Variants in UBXN4 observed in about 807,000 individuals in gnomAD.
UBXN4 encodes UBX domain protein 4, also known as UBX domain-containing protein 4.
Under a neutral mutation model 66.2 loss-of-function variants are expected in UBXN4, and 35 were observed. The ratio of observed to expected loss-of-function variants is 0.53; its 90% CI spans 0.40 to 0.70. UBXN4 has a LOEUF of 0.70. Ranked by LOEUF, UBXN4 falls within the 30% of genes least tolerant of loss-of-function variation. UBXN4 has a pLI of 0.00. For synonymous variants in UBXN4, 203 were observed against 204.5 expected (o/e 0.99, Z 0.06); for missense variants, 533 against 599.8 (o/e 0.89, Z 1.16).
intron 1 of UBXN4, chr2:135,747,514 A>G: frequency 2.4e-6 from 1 of 422,626 alleles, no homozygotes; most frequent in Non-Finnish European, 4.7e-6. Flanking sequence ...GGCAAGTCTA[A>G]AATTGCAAAC....
intron 6 of UBXN4, among the ~76,000 whole-genome samples, chr2:135,767,624 T>C (rs949272536): frequency 1.3e-5 from 2 of 152,208 alleles, no homozygotes; most frequent in African/African-American, 4.8e-5. Flanking sequence ...TAGTATTCTG[T>C]TTGACTCTAC....
At chr2:135,768,290 C>T (rs546461316) in intron 6 of UBXN4, among the ~76,000 whole-genome samples, 9 of 152,148 alleles carry the variant, frequency 5.9e-5, no homozygotes, top group African/African-American at 2.2e-4. Context: ...CCTCCGCCCC[C>T]CAGGTTCAAG....
Position 135,754,240 on chromosome 2 carries a change from C to T in UBXN4, c.296C>T (p.Ala99Val), listed in dbSNP as rs747839047. 14 of 1,613,910 alleles carry T rather than the reference C, an allele frequency of 8.7e-6. No individual in the cohort carries two copies. The Admixed American group carries it at 2.3e-4, about 27-fold the overall frequency. Residue 99 changes from alanine to valine, a missense_variant, in exon 4 of 13, where the codon GCA becomes GTA. Ala to Val is a moderately conservative substitution (Grantham distance 64, BLOSUM62 0). Transcript: ENST00000272638. ...PLEVIAGSVS[A>V]DELVTRIHKV... Reference sequence around the variant, plus strand: ...GAAGTAATAGCAGGAAGTGTTTCTGCAGATGAACTTGTTACAAGAATTCAC... The same window carrying T: ...GAAGTAATAGCAGGAAGTGTTTCTGTAGATGAACTTGTTACAAGAATTCAC...
At chr2:135,745,059 G>A (rs1308102924) in intron 1 of UBXN4, among the ~76,000 whole-genome samples, 1 of 152,178 alleles carries the variant, frequency 6.6e-6, no homozygotes, top group African/African-American at 2.4e-5. Context: ...AGCTACTTAC[G>A]TGATATCACT....
chr2:135,751,753 T>G (rs1021854451), intron 2 of UBXN4, among the ~76,000 whole-genome samples: 4 of 151,926 alleles, frequency 2.6e-5, no homozygotes, highest in Admixed American at 6.6e-5. Context: ...GGTAGGATTT[T>G]GGGTAATTTT....
rs764541762 is a variant in UBXN4, at chr2:135,770,746, A to G, written c.822+11A>G. The G allele has an allele frequency of 3.4e-6, 5 of 1,481,492 alleles. No homozygotes were observed. The highest frequency in any genetic ancestry group is 3.0e-5 in the South Asian group (2 of 66,690). The allele number at this position is 1,481,492 out of a possible 1,614,324, so 91.8% of individuals were successfully genotyped here. ...CAGCAGATTGCATTGGTAAGTCTTAAGTTTCCAGACATTCGTGAAACTGTT... is the reference window on the plus strand; with the variant it reads ...CAGCAGATTGCATTGGTAAGTCTTAGGTTTCCAGACATTCGTGAAACTGTT... On this transcript the variant is annotated intron_variant, in intron 8 of 12. Coordinates refer to ENST00000272638, the MANE Select transcript of UBXN4 (RefSeq NM_014607.4).
At chr2:135,749,447 T>C (rs1451519847) in intron 2 of UBXN4, among the ~76,000 whole-genome samples, 2 of 152,222 alleles carry the variant, frequency 1.3e-5, no homozygotes, top group African/African-American at 2.4e-5. Context: ...TTCAAACATA[T>C]ATGAAAGTAA....
intron 9 of UBXN4, among the ~76,000 whole-genome samples, 187 bp from the exon 10 acceptor site, chr2:135,776,062 C>T (rs1369734206): frequency 6.6e-6 from 1 of 152,232 alleles, no homozygotes. Flanking sequence ...AGCCACCACA[C>T]CCAGCCTAAA....
At chr2:135,757,296 T>G (rs2077284189) in intron 5 of UBXN4, among the ~76,000 whole-genome samples, 1 of 152,226 alleles carries the variant, frequency 6.6e-6, no homozygotes, top group African/African-American at 2.4e-5. Context: ...GAATTTTTTA[T>G]TTTAGATAAA....
chr2:135,756,398 G>A (rs530269864), intron 5 of UBXN4, among the ~76,000 whole-genome samples: 1 of 152,298 alleles, frequency 6.6e-6, no homozygotes, highest in East Asian at 1.9e-4. Context: ...CTGTTCTGTT[G>A]TTGAACAGCT....
chr2:135,743,890 G>C (rs946074646), intron 1 of UBXN4, among the ~76,000 whole-genome samples: 3 of 152,074 alleles, frequency 2.0e-5, no homozygotes, highest in African/African-American at 7.2e-5. Flanking sequence ...CTTCAATTAA[G>C]TTTTTACTGA....
chr2:135,778,958 A>G lies in UBXN4; in HGVS notation c.1064A>G (p.Asn355Ser). 1.2e-6 allele frequency: 2 copies of G among 1,612,306 alleles called. No individual in the cohort carries two copies. Among genetic ancestry groups the G allele is most frequent in the Non-Finnish European group, 1.7e-6 (2 of 1,179,382 alleles). The change falls in exon 11 of 13, where the codon AAC becomes AGC. Residue 355 changes from asparagine (N) to serine (S), a missense_variant. Around this residue, in one of 2 missense-constraint regions of UBXN4, gnomAD observed 529 missense variants for 580.1 expected, o/e 0.91. Transcript: ENST00000272638. ...AAACTTATTTTACAGACTGTTGGCA[A>G]CACTTACGGTAATTTTTCGTTAGCA... is the stretch of plus-strand genomic sequence containing the variant. ...ARQFAAQTVGNTYGNFSLATM... is the reference protein window; with the variant it reads ...ARQFAAQTVGSTYGNFSLATM...
intron 1 of UBXN4, among the ~76,000 whole-genome samples, chr2:135,742,326 C>T (rs563788392): frequency 2.6e-4 from 39 of 152,272 alleles, no homozygotes; most frequent in South Asian, 1.7e-3. Context: ...ATACAGTGGG[C>T]CTGGCCCCAC....
chr2:135,782,832 A>AT lies in UBXN4; in HGVS notation c.1473dup (p.Asp492Ter), dbSNP rs776820460. 1 of 1,614,052 alleles carries AT rather than the reference A, an allele frequency of 6.2e-7. No individual in the cohort carries two copies. The highest frequency in any genetic ancestry group is 8.5e-7 in the Non-Finnish European group (1 of 1,179,942). ...AAAATTTATAGATTAAGGACTCAAG[A>AT]TGATGGTGAAGATGAAAACAACACT... On this transcript the variant is annotated frameshift_variant, in exon 13 of 13. Coordinates refer to ENST00000272638, the MANE Select transcript of UBXN4 (RefSeq NM_014607.4). LOFTEE classifies it high-confidence loss of function.
intron 5 of UBXN4, among the ~76,000 whole-genome samples, chr2:135,758,801 C>T (rs2105498046): frequency 6.6e-6 from 1 of 152,016 alleles, no homozygotes; most frequent in Non-Finnish European, 1.5e-5. Flanking sequence ...CTTTGTTGGC[C>T]AGGCTGCAGT....
At chr2:135,764,380 A>G (rs1238121136) in intron 6 of UBXN4, among the ~76,000 whole-genome samples, 1 of 152,228 alleles carries the variant, frequency 6.6e-6, no homozygotes, top group African/African-American at 2.4e-5. Flanking sequence ...TCTTGTACAT[A>G]AGAACATAGT....
intron 5 of UBXN4, among the ~76,000 whole-genome samples, chr2:135,757,955 G>T: frequency 6.6e-6 from 1 of 151,982 alleles, no homozygotes; most frequent in African/African-American, 2.4e-5. Flanking sequence ...CTGTCACCCA[G>T]GCTGGAGTGC....
intron 1 of UBXN4, among the ~76,000 whole-genome samples, chr2:135,746,418 A>G (rs2077207694): frequency 6.6e-6 from 1 of 152,190 alleles, no homozygotes; most frequent in South Asian, 2.1e-4. Flanking sequence ...GTTAGGGGAG[A>G]CAGATACTAG....
intron 5 of UBXN4, among the ~76,000 whole-genome samples, chr2:135,759,503 C>T (rs1310738402): frequency 6.6e-6 from 1 of 152,132 alleles, no homozygotes; most frequent in Non-Finnish European, 1.5e-5. Flanking sequence ...TTTACTGCAT[C>T]CCCATGGAAT....
Sources: allele counts gnomAD v4.1 joint callset (sites outside exome capture counted in the v4.1 genomes callset), GRCh38; gene constraint gnomAD v4.1.1; regional missense constraint gnomAD v4.1.1; transcripts MANE v1.5; gene names NCBI Gene and HGNC (gene_info 2026-07-23, HGNC 2026-07-21).